The following DPP6 variants were observed in gnomAD, a reference collection of about 807,000 sequenced individuals.
DPP6 encodes dipeptidyl peptidase like 6, also known as A-type potassium channel modulatory protein DPP6.
A neutral mutation model predicts 122.6 loss-of-function variants in DPP6; 69 were observed. That is an observed-to-expected ratio of 0.56 (90% CI 0.46 to 0.69). The LOEUF is 0.69. Ranked by LOEUF, DPP6 falls within the 30% of genes least tolerant of loss-of-function variation. DPP6 has a pLI of 0.00. For missense variants in DPP6, 928 were observed against 1,116.9 expected (o/e 0.83, Z 2.41); for synonymous variants, 418 against 433.1 (o/e 0.97, Z 0.43).
chr7:153,789,088 G>A, the DPP6 span, among the ~76,000 whole-genome samples: 1 of 152,142 alleles, frequency 6.6e-6, no homozygotes, highest in Non-Finnish European at 1.5e-5. Flanking sequence ...TGTCAGTAGT[G>A]GAGCAGCCTT....
intron 5 of DPP6, among the ~76,000 whole-genome samples, chr7:154,576,116 C>T (rs1273289175): frequency 1.3e-5 from 2 of 152,036 alleles, no homozygotes; most frequent in Non-Finnish European, 2.9e-5. Flanking sequence ...CCTCCCCTAC[C>T]ATCACCCCAC....
intron 5 of DPP6, among the ~76,000 whole-genome samples, chr7:154,567,145 C>G (rs1830810793): frequency 6.6e-6 from 1 of 152,154 alleles, no homozygotes; most frequent in Non-Finnish European, 1.5e-5. Flanking sequence ...CTTTCATAGA[C>G]TTTTCTTAGG....
intron 1 of DPP6, among the ~76,000 whole-genome samples, chr7:153,968,265 G>A (rs1585107216): frequency 6.6e-6 from 1 of 151,062 alleles, no homozygotes; most frequent in South Asian, 2.1e-4. Flanking sequence ...TGCATGAGAC[G>A]GTATGTCATT....
At chr7:154,354,706 C>A (rs937425908) in intron 1 of DPP6, among the ~76,000 whole-genome samples, 1 of 152,206 alleles carries the variant, frequency 6.6e-6, no homozygotes. Context: ...AGTCGCCTCA[C>A]ATGTAGTACT....
chr7:154,195,710 A>G (rs1798830519), intron 1 of DPP6, among the ~76,000 whole-genome samples: 1 of 152,126 alleles, frequency 6.6e-6, no homozygotes, highest in Non-Finnish European at 1.5e-5. Flanking sequence ...AATTCACCCA[A>G]ATTCATTGTC....
At chr7:154,017,719 T>TAAAAAAATAAAAAAAAAAAAA (rs1159376112) in intron 1 of DPP6, among the ~76,000 whole-genome samples, 1 of 83,738 alleles carries the variant, frequency 1.2e-5, no homozygotes, top group Non-Finnish European at 2.4e-5. Flanking sequence ...AAAAAAAAAA[T>TAAAAAAATAAAAAAAAAAAAA]AAAAAAATAA....
intron 1 of DPP6, among the ~76,000 whole-genome samples, chr7:154,383,576 A>C (rs1813817838): frequency 6.6e-6 from 1 of 152,170 alleles, no homozygotes; most frequent in Admixed American, 6.5e-5. Context: ...TTCTCTGATT[A>C]ATGACTCAAC....
chr7:154,282,640 CAT>C lies in DPP6; in HGVS notation c.244-163571_244-163570del, dbSNP rs150778282. ...TCTCCTTTGAGTTGCTATCAAATCGCATATGTTGCATGCTTACTTGAAAGGAA... is the reference window on the plus strand; with the variant it reads ...TCTCCTTTGAGTTGCTATCAAATCGCATGTTGCATGCTTACTTGAAAGGAA... On this transcript the variant is annotated intron_variant, in intron 1 of 25. Transcript: ENST00000377770. The surrounding 1 kb of genome is among the most constrained non-coding windows in gnomAD (Gnocchi z 4.8). Among the ~76,000 whole-genome samples the C allele has an allele frequency of 5.4e-3, 816 of 152,284 alleles. 3 individuals are homozygous for C. The highest frequency in any genetic ancestry group is 8.8e-3 in the Non-Finnish European group (598 of 68,022).
chr7:154,166,843 G>A (rs535149429), intron 1 of DPP6, among the ~76,000 whole-genome samples: 14 of 148,824 alleles, frequency 9.4e-5, no homozygotes, highest in Admixed American at 7.9e-4. Context: ...CCCAGGAGGC[G>A]GAGGTTGCAG....
chr7:154,761,713 T>C (rs1334268638), intron 8 of DPP6, among the ~76,000 whole-genome samples: 13 of 151,886 alleles, frequency 8.6e-5, no homozygotes. Flanking sequence ...TTCAAGGTTT[T>C]ATTTTATTTT....
intron 1 of DPP6, among the ~76,000 whole-genome samples, chr7:154,318,238 A>G (rs1333283854): frequency 6.6e-6 from 1 of 152,250 alleles, no homozygotes; most frequent in Non-Finnish European, 1.5e-5. Flanking sequence ...TATTAATTAT[A>G]TAGTTGTACT....
intron 1 of DPP6, among the ~76,000 whole-genome samples, chr7:154,076,705 T>G (rs1473911261): frequency 1.3e-5 from 2 of 151,876 alleles, no homozygotes; most frequent in Non-Finnish European, 2.9e-5. Context: ...CAGGTGTGGC[T>G]TCTTCTTTTT....
Position 154,566,892 on chromosome 7 carries a change from A to C in DPP6, c.603A>C (p.Ala201=). The C allele has an allele frequency of 6.2e-7, 1 of 1,608,748 alleles. No homozygotes were observed. Residue 201 remains alanine (A), a synonymous_variant, in exon 5 of 26, where the codon GCA becomes GCC. Transcript: ENST00000377770. ...AAATATCTCCAGATAGAGAGTATGCACTTTTTTCATACAATGTGGAACCCG... is the reference window on the plus strand; with the variant it reads ...AAATATCTCCAGATAGAGAGTATGCCCTTTTTTCATACAATGTGGAACCCG... ...RYEISPDREY[A]LFSYNVEPIY... is the part of the protein sequence containing the mutation.
At position 154,872,621 on chromosome 7, in the gene DPP6, C is replaced by T. The variant is rs371208515; in HGVS notation, c.1814-3C>T. 1.4e-5 allele frequency: 23 copies of T among 1,597,874 alleles called. No individual in the cohort carries two copies. Among genetic ancestry groups the T allele is most frequent in the Non-Finnish European group, 2.0e-5 (23 of 1,172,624 alleles). On this transcript the variant is annotated splice_polypyrimidine_tract_variant and splice_region_variant and intron_variant, in intron 18 of 25. Transcript: ENST00000377770. The stretch of plus-strand genomic sequence containing the variant: ...ACCCGTGCTGTGCTCTGCTTCTCCC[C>T]AGACCTGCCCATGCAGATACTGAAG...
intron 12 of DPP6, among the ~76,000 whole-genome samples, chr7:154,798,149 G>A (rs140604692): frequency 1.1e-3 from 167 of 152,340 alleles, no homozygotes; most frequent in African/African-American, 3.8e-3. Context: ...CACAGGGGGA[G>A]CTGGCTTCCC....
At chr7:153,817,151 C>T in the DPP6 span, among the ~76,000 whole-genome samples, 5 of 148,996 alleles carry the variant, frequency 3.4e-5, no homozygotes, top group Non-Finnish European at 6.0e-5. Context: ...TGGAGCAAAA[C>T]CTCAAATCTG....
chr7:153,752,353 G>T, the DPP6 span, among the ~76,000 whole-genome samples: 1 of 148,962 alleles, frequency 6.7e-6, no homozygotes, highest in Non-Finnish European at 1.5e-5. Context: ...AGGTTCAAGC[G>T]ATTCTCCTGC....
intron 1 of DPP6, among the ~76,000 whole-genome samples, chr7:153,899,857 TTCTC>T (rs1799568577): frequency 6.6e-6 from 1 of 152,342 alleles, no homozygotes; most frequent in East Asian, 1.9e-4. Context: ...CTTTGCTTCT[TTCTC>T]ATTAAGAGTT....
chr7:154,178,266 T>C (rs993871363), intron 1 of DPP6, among the ~76,000 whole-genome samples: 7 of 152,180 alleles, frequency 4.6e-5, no homozygotes, highest in African/African-American at 1.7e-4. Context: ...GCATCCACCA[T>C]TTGCTCAGGA....
Sources: allele counts gnomAD v4.1 joint callset (sites outside exome capture counted in the v4.1 genomes callset), GRCh38; gene constraint gnomAD v4.1.1; non-coding constraint Gnocchi (gnomAD v3.1); transcripts MANE v1.5; gene names NCBI Gene and HGNC (gene_info 2026-07-23, HGNC 2026-07-21).